Variants in RALGPS2 observed in about 807,000 individuals in gnomAD.
The protein encoded by RALGPS2 is Ral GEF with PH domain and SH3 binding motif 2, also known as ras-specific guanine nucleotide-releasing factor RalGPS2.
Under a neutral mutation model 86.8 loss-of-function variants are expected in RALGPS2, and 43 were observed. The ratio of observed to expected loss-of-function variants is 0.50; its 90% CI spans 0.39 to 0.64. RALGPS2 has a LOEUF of 0.64. Among genes scored for constraint, RALGPS2 ranks in the 30% least tolerant of loss-of-function variants. The pLI, the probability that RALGPS2 is intolerant of heterozygous loss-of-function variation, is 0.00. For synonymous variants in RALGPS2, 243 were observed against 231.3 expected, an observed-to-expected ratio of 1.05 and a Z score of -0.46; for missense variants, 536 against 694.6, an observed-to-expected ratio of 0.77 and a Z score of 2.57.
intron 7 of RALGPS2, among the ~76,000 whole-genome samples, chr1:178,832,682 A>G (rs1327871265): frequency 2.0e-5 from 3 of 151,994 alleles, no homozygotes; most frequent in Non-Finnish European, 4.4e-5. Flanking sequence ...TAGAAACTTC[A>G]TGTCTAAATA....
chr1:178,915,787 A>G (rs754153986), intron 19 of RALGPS2, among the ~76,000 whole-genome samples: 2 of 152,172 alleles, frequency 1.3e-5, no homozygotes, highest in African/African-American at 2.4e-5. Flanking sequence ...ATTTTGGAAA[A>G]CTGGTTTTGA....
At chr1:178,843,216 C>T (rs12066812) in intron 8 of RALGPS2, among the ~76,000 whole-genome samples, 2,507 of 138,620 alleles carry the variant, frequency 0.018, 4 homozygotes, top group African/African-American at 0.05. Flanking sequence ...ATGTTTATTG[C>T]GGCATTATTC....
chr1:178,809,015 T>G (rs1401209839), intron 5 of RALGPS2, among the ~76,000 whole-genome samples: 2 of 151,980 alleles, frequency 1.3e-5, no homozygotes, highest in African/African-American at 4.8e-5. Flanking sequence ...CCAGACTAAT[T>G]TAAAAAGAAT....
intron 8 of RALGPS2, among the ~76,000 whole-genome samples, chr1:178,852,320 A>G (rs1657225058): frequency 6.6e-6 from 1 of 152,166 alleles, no homozygotes; most frequent in Admixed American, 6.5e-5. Flanking sequence ...TAAGCTCCAA[A>G]GGGCGGGAAC....
At chr1:178,821,843 T>C in intron 7 of RALGPS2, 139 bp downstream of exon 7, 1 of 712,960 alleles carries the variant, frequency 1.4e-6, no homozygotes, top group Non-Finnish European at 2.2e-6. Context: ...ACTCTATTCT[T>C]TGATACCTAC....
chr1:178,739,585 G>C lies in RALGPS2; in HGVS notation c.-84+14166G>C, dbSNP rs147476262. Among the ~76,000 whole-genome samples, 194 of 152,266 alleles carry C rather than the reference G, an allele frequency of 1.3e-3. 2 individuals carry two copies. The highest frequency in any genetic ancestry group is 4.3e-3 in the African/African-American group (178 of 41,540). On this transcript the variant is annotated intron_variant, in intron 1 of 19. Coordinates refer to ENST00000367635, the MANE Select transcript of RALGPS2 (RefSeq NM_152663.5). ...TTGAAGGGTTTGTTTGGGATGTGGC[G>C]GGAAATACAGTACCTTTGATGAGGT...
At chr1:178,829,535 C>T (rs890722559) in intron 7 of RALGPS2, among the ~76,000 whole-genome samples, 11 of 152,258 alleles carry the variant, frequency 7.2e-5, no homozygotes, top group African/African-American at 2.6e-4. Flanking sequence ...TGAGGTGGAA[C>T]AGTTTCATCC....
chr1:178,855,661 A>G (rs374743634), intron 8 of RALGPS2, among the ~76,000 whole-genome samples: 2 of 151,754 alleles, frequency 1.3e-5, no homozygotes, highest in African/African-American at 4.8e-5. Flanking sequence ...GAGATGCCCT[A>G]TCTTTGCATT....
intron 18 of RALGPS2, among the ~76,000 whole-genome samples, chr1:178,902,653 G>A (rs1319847019): frequency 6.6e-6 from 1 of 152,092 alleles, no homozygotes; most frequent in African/African-American, 2.4e-5. Flanking sequence ...AAGTGGCAGA[G>A]TTTTCCTTTA....
chr1:178,785,162 A>AT (rs1391017378), intron 3 of RALGPS2, among the ~76,000 whole-genome samples: 4 of 151,862 alleles, frequency 2.6e-5, no homozygotes, highest in Admixed American at 6.6e-5. Flanking sequence ...TAGTTTCATT[A>AT]TTTTTTTATA....
At chr1:178,890,689 A>G (rs918125308) in intron 14 of RALGPS2, among the ~76,000 whole-genome samples, 31 of 152,078 alleles carry the variant, frequency 2.0e-4, no homozygotes, top group Admixed American at 6.6e-4. Flanking sequence ...TCTCACTATT[A>G]TGTGATTAAG....
intron 1 of RALGPS2, among the ~76,000 whole-genome samples, chr1:178,748,184 A>T (rs539710441): frequency 6.6e-6 from 1 of 151,992 alleles, no homozygotes; most frequent in Admixed American, 6.6e-5. Flanking sequence ...GCTGGGCATC[A>T]TGGCATATGC....
chr1:178,795,464 G>A (rs539483720), intron 4 of RALGPS2, among the ~76,000 whole-genome samples: 1 of 152,210 alleles, frequency 6.6e-6, no homozygotes, highest in Non-Finnish European at 1.5e-5. Flanking sequence ...CCAGGCTAGA[G>A]TGCAGTGGTG....
chr1:178,749,398 A>G (rs762009772), intron 1 of RALGPS2, among the ~76,000 whole-genome samples: 1 of 152,162 alleles, frequency 6.6e-6, no homozygotes, highest in Non-Finnish European at 1.5e-5. Flanking sequence ...AGGCAGGAGA[A>G]TCACTTGAAC....
intron 16 of RALGPS2, 23 bp from the exon 17 acceptor site, chr1:178,897,641 A>G (rs767226114): frequency 1.9e-5 from 30 of 1,560,914 alleles, no homozygotes; most frequent in African/African-American, 5.4e-5. Context: ...GTAATAGTAT[A>G]TTCCTGTGTT....
chr1:178,747,926 A>G (rs910191422), intron 1 of RALGPS2, among the ~76,000 whole-genome samples: 19 of 152,238 alleles, frequency 1.2e-4, no homozygotes, highest in African/African-American at 4.3e-4. Flanking sequence ...GACCATACCA[A>G]GTGTTCGCAA....
At chr1:178,783,119 C>T (rs1553262682) in intron 2 of RALGPS2, among the ~76,000 whole-genome samples, 2 of 151,866 alleles carry the variant, frequency 1.3e-5, no homozygotes, top group South Asian at 2.1e-4. Context: ...GTACAGCATG[C>T]GAGAACAAAT....
intron 1 of RALGPS2, among the ~76,000 whole-genome samples, chr1:178,757,906 C>G (rs1652036208): frequency 6.6e-6 from 1 of 152,052 alleles, no homozygotes; most frequent in South Asian, 2.1e-4. Flanking sequence ...ATTTGTGAAT[C>G]CATCTGGTCT....
intron 16 of RALGPS2, chr1:178,894,348 G>A (rs1417636188): frequency 6.0e-6 from 1 of 166,790 alleles, no homozygotes; most frequent in Non-Finnish European, 1.3e-5. Context: ...AGTTTGCGAT[G>A]CTATAGCAAA....
Sources: allele counts gnomAD v4.1 joint callset (sites outside exome capture counted in the v4.1 genomes callset), GRCh38; gene constraint gnomAD v4.1.1; transcripts MANE v1.5; gene names NCBI Gene and HGNC (gene_info 2026-07-23, HGNC 2026-07-21).